TAP1: variants seen among roughly 807,000 people sequenced by gnomAD.
TAP1 encodes transporter 1, ATP binding cassette subfamily B member, also known as antigen peptide transporter 1.
In TAP1, 56 loss-of-function variants were observed where a neutral mutation model predicts 79.3. The observed-to-expected ratio is 0.71, with a 90% CI of 0.57 to 0.88. The LOEUF (loss-of-function observed/expected upper bound fraction) is 0.88. TAP1 is among the 40% of genes least tolerant of loss of function. TAP1 has a pLI of 0.00. For missense variants in TAP1, 737 were observed against 936.3 expected (o/e 0.79, Z 2.78); for synonymous variants, 355 against 401.4 (o/e 0.88, Z 1.38).
rs200753447 is a variant in TAP1 at position 32,845,754 on chromosome 6, C to G, written c.2072G>C (p.Arg691Pro). Reference protein sequence around the residue: ...VEQLLYESPERYSRSVLLITQ... With the variant: ...VEQLLYESPEPYSRSVLLITQ... ...GATGAGAAGCACTGAGCGGGAGTAC[C>G]GCTCAGGGCTTTCGTACAGGAGCTG... The change falls in exon 11 of 11, where the codon CGG (arginine) becomes CCG (proline). Residue 691 changes from arginine to proline, a missense_variant. By Grantham distance (103) the Arg-to-Pro change is moderately radical. Coordinates refer to ENST00000354258, the MANE Select transcript of TAP1 (RefSeq NM_000593.6). The surrounding 1 kb of genome is among the most constrained non-coding windows in gnomAD (Gnocchi z 4.5). The G allele has an allele frequency of 1.5e-4, 247 of 1,612,566 alleles. No homozygotes were observed. Among genetic ancestry groups the G allele is most frequent in the Non-Finnish European group, 1.9e-4 (222 of 1,180,008 alleles).
rs1257301662 is a variant in TAP1 at position 32,852,145 on chromosome 6, G to A, written c.808C>T (p.Arg270Cys). ...TGTTGGAAAAACTCCGTCTCCTGGC[G>A]CAGGACAGCCCCAAACACCTCTCCC... ...LQGEVFGAVL[R>C]QETEFFQQNQ... Residue 270 changes from arginine (R) to cysteine (C), a missense_variant, in exon 3 of 11, where the codon CGC becomes TGC. This residue lies in a region of TAP1 where 406 missense variants were observed against 477.2 expected (regional missense o/e 0.85). Coordinates refer to ENST00000354258, the MANE Select transcript of TAP1 (RefSeq NM_000593.6). The surrounding 1 kb of genome is among the most constrained non-coding windows in gnomAD (Gnocchi z 4.8). The A allele has an allele frequency of 6.2e-7, 1 of 1,613,020 alleles. No homozygotes were observed. The highest frequency in any genetic ancestry group is 8.5e-7 in the Non-Finnish European group (1 of 1,180,034).
chr6:32,848,870 G>A, intron 6 of TAP1, 30 bp from the exon 7 acceptor site: 2 of 1,613,392 alleles, frequency 1.2e-6, no homozygotes, highest in Non-Finnish European at 8.5e-7. Context: ...GTGAAAGTGA[G>A]GTAGTCTGCT....
rs1770499341 is a variant in TAP1, at chr6:32,847,388, G to A, written c.1903+125C>T. On this transcript the variant is annotated intron_variant, in intron 9 of 10. Transcript: ENST00000354258. The surrounding 1 kb of genome is among the most constrained non-coding windows in gnomAD (Gnocchi z 4.7). ...GGATGTCAGGATGAAGAAGCCATAGGAGCATGATCTTACAACTTCAAATTG... is the reference window on the plus strand; with the variant it reads ...GGATGTCAGGATGAAGAAGCCATAGAAGCATGATCTTACAACTTCAAATTG... The A allele has an allele frequency of 6.6e-7, 1 of 1,516,906 alleles. No individual in the cohort carries two copies. Among genetic ancestry groups the A allele is most frequent in the Non-Finnish European group, 9.1e-7 (1 of 1,096,474 alleles). The allele number at this position is 1,516,906 out of a possible 1,614,324, so 94.0% of individuals were successfully genotyped here.
rs1562367219 is a variant in TAP1, at chr6:32,848,834, G to A, written c.1384C>T (p.Leu462Phe). 6.2e-7 allele frequency: 1 copy of A among 1,613,952 alleles called. No homozygotes were observed. Among genetic ancestry groups the A allele is most frequent in the East Asian group, 2.2e-5 (1 of 44,892 alleles). ...TTCTGTACTCTGGGGTAGATGGAGA[G>A]CAGTACCTAGAGGGAGGTAAGAATA... is the stretch of plus-strand genomic sequence containing the variant. The part of the protein sequence containing the change: ...MQFTQAVEVL[L>F]SIYPRVQKAV... The change falls in exon 7 of 11, where the codon CTC (leucine) becomes TTC (phenylalanine). Residue 462 changes from leucine (L) to phenylalanine (F), a missense_variant. Physicochemically the swap from Leu to Phe is conservative, Grantham distance 22 (BLOSUM62 0). This residue lies in a region of TAP1 where 14 missense variants were observed against 42.0 expected (regional missense o/e 0.33). Coordinates refer to ENST00000354258, the MANE Select transcript of TAP1 (RefSeq NM_000593.6).
chr6:32,847,018 A>G lies in TAP1; in HGVS notation c.2040+50T>C. On this transcript the variant is annotated intron_variant, in intron 10 of 10. Coordinates refer to ENST00000354258, the MANE Select transcript of TAP1 (RefSeq NM_000593.6). The surrounding 1 kb of genome is among the most constrained non-coding windows in gnomAD (Gnocchi z 4.7). ...AGTAAAACTAACAGAAGATGTATAA[A>G]AGAAGCAAGATTGGGTGGGATATAG... 1 of 1,606,904 alleles carries G rather than the reference A, an allele frequency of 6.2e-7. No homozygotes were observed. The highest frequency in any genetic ancestry group is 8.5e-7 in the Non-Finnish European group (1 of 1,179,916).
In TAP1 at chr6:32,852,314, T is replaced by G. The variant is rs1043982374; in HGVS notation, c.713+74A>C. 4 of 1,612,730 alleles carry G rather than the reference T, an allele frequency of 2.5e-6. No homozygotes were observed. In the African/African-American group the frequency reaches 5.3e-5, roughly 22 times the overall value. On this transcript the variant is annotated intron_variant, in intron 2 of 10. Transcript: ENST00000354258. The surrounding 1 kb of genome is among the most constrained non-coding windows in gnomAD (Gnocchi z 4.8). Reference sequence around the variant, plus strand: ...ACTGAAGGTCCCAGGTATCCCCATATAAGTGCATTTCGGACAGCAGCCCCA... The same window carrying G: ...ACTGAAGGTCCCAGGTATCCCCATAGAAGTGCATTTCGGACAGCAGCCCCA...
rs559314861 is a variant in TAP1 at position 32,849,344 on chromosome 6, C to T, written c.1249-226G>A. The T allele has an allele frequency of 8.7e-4, 538 of 619,498 alleles. 1 individual carries two copies. In the African/African-American group the frequency reaches 9.0e-3, roughly 10 times the overall value. The allele number at this position is 619,498 out of a possible 1,614,324, so 38.4% of individuals were successfully genotyped here. On this transcript the variant is annotated intron_variant, in intron 5 of 10. Coordinates refer to ENST00000354258, the MANE Select transcript of TAP1 (RefSeq NM_000593.6). ...ACCACCATCACCACTATCACCTTGT[C>T]TGGGGAGCATTTTACTCTTCACAAA...
chr6:32,845,413 T>C lies in TAP1; in HGVS notation c.*166A>G. On this transcript the variant is annotated 3_prime_UTR_variant, in exon 11 of 11. Coordinates refer to ENST00000354258, the MANE Select transcript of TAP1 (RefSeq NM_000593.6). This position sits in a 1 kb window ranked among gnomAD's most constrained non-coding sequence, Gnocchi z 4.5. ...GGAATTACAAATCCTGTGTTTGTACTCCAGGAAGTCTGCATTATCACGAGG... is the reference window on the plus strand; with the variant it reads ...GGAATTACAAATCCTGTGTTTGTACCCCAGGAAGTCTGCATTATCACGAGG... The C allele has an allele frequency of 1.4e-6, 1 of 721,646 alleles. No individual in the cohort carries two copies. The highest frequency in any genetic ancestry group is 2.4e-6 in the Non-Finnish European group (1 of 408,498). The allele number at this position is 721,646 out of a possible 1,614,324, so 44.7% of individuals were successfully genotyped here. A position where few individuals can be genotyped will look rare whatever the true frequency, so the allele number is the denominator to read the frequency against.
In TAP1 at chr6:32,853,624, T is replaced by C. The variant is rs1181435654; in HGVS notation, c.13A>G (p.Arg5Gly). Residue 5 changes from arginine (R) to glycine (G), a missense_variant, in exon 1 of 11, where the codon AGG becomes GGG. By Grantham distance (125) the Arg-to-Gly change is moderately radical (BLOSUM62 -2). This residue lies in a region of TAP1 where 45 missense variants were observed against 60.2 expected (regional missense o/e 0.75). Transcript: ENST00000354258. This position sits in a 1 kb window ranked among gnomAD's most constrained non-coding sequence, Gnocchi z 8.3. MASSRCPAPRGCRCL... is the reference protein window; with the variant it reads MASSGCPAPRGCRCL... ...CGGCACCCGCGGGGAGCGGGACACC[T>C]AGAGCTAGCCATTGGCACTCGGACG... 1 of 1,611,726 alleles carries C rather than the reference T, an allele frequency of 6.2e-7. No homozygotes were observed. The highest frequency in any genetic ancestry group is 1.1e-5 in the South Asian group (1 of 91,036).
chr6:32,852,869 G>C lies in TAP1; in HGVS notation c.598+170C>G. On this transcript the variant is annotated intron_variant, in intron 1 of 10. Coordinates refer to ENST00000354258, the MANE Select transcript of TAP1 (RefSeq NM_000593.6). This position sits in a 1 kb window ranked among gnomAD's most constrained non-coding sequence, Gnocchi z 4.8. ...AGCCCAGAACCTCTGGCCCCCGCCA[G>C]TCCAGTGCCGTTTCTTCTACACCGA... 6.9e-7 allele frequency: 1 copy of C among 1,443,198 alleles called. No homozygotes were observed. The highest frequency in any genetic ancestry group is 1.5e-5 in the South Asian group (1 of 68,570). The allele number at this position is 1,443,198 out of a possible 1,614,324, so 89.4% of individuals were successfully genotyped here. A position where few individuals can be genotyped will look rare whatever the true frequency, so the allele number is the denominator to read the frequency against.
chr6:32,852,758 T>C lies in TAP1; in HGVS notation c.599-256A>G. ...AAGTAGAAAAGCCTCCTGTTAGAGA[T>C]GAGGATGCCCCGCCCTTCGGCCCCA... On this transcript the variant is annotated intron_variant, in intron 1 of 10. Coordinates refer to ENST00000354258, the MANE Select transcript of TAP1 (RefSeq NM_000593.6). The surrounding 1 kb of genome is among the most constrained non-coding windows in gnomAD (Gnocchi z 4.8). The C allele has an allele frequency of 6.9e-7, 1 of 1,442,690 alleles. No homozygotes were observed. The highest frequency in any genetic ancestry group is 9.0e-7 in the Non-Finnish European group (1 of 1,106,270). The allele number at this position is 1,442,690 out of a possible 1,614,324, so 89.4% of individuals were successfully genotyped here. A position where few individuals can be genotyped will look rare whatever the true frequency, so the allele number is the denominator to read the frequency against.
At chr6:32,846,543 G>C (rs1770418279) in intron 10 of TAP1, 2 of 215,476 alleles carry the variant, frequency 9.3e-6, no homozygotes, top group South Asian at 1.4e-4. Flanking sequence ...TATAGGACTG[G>C]GCGCAGTGGC....
chr6:32,849,585 CAA>C (rs9280199), intron 5 of TAP1: 60,510 of 157,474 alleles, frequency 0.38, 10,418 homozygotes, highest in Middle Eastern at 0.5. Context: ...ACTAAAAATA[CAA>C]AAAAAAAAAA....
rs1447101610 is a variant in TAP1, at chr6:32,851,922, T to TGA, written c.844+186_844+187insTC. 4.2e-4 allele frequency among the ~76,000 whole-genome samples: 49 copies of TGA among 117,962 alleles called. No homozygotes were observed. Among genetic ancestry groups the TGA allele is most frequent in the Admixed American group, 9.0e-4 (11 of 12,206 alleles). 77.4% of individuals were successfully genotyped at this position (117,962 alleles called of 152,430 possible). A position where few individuals can be genotyped will look rare whatever the true frequency, so the allele number is the denominator to read the frequency against. On this transcript the variant is annotated intron_variant, in intron 3 of 10. Transcript: ENST00000354258. This position sits in a 1 kb window ranked among gnomAD's most constrained non-coding sequence, Gnocchi z 4.8. ...AGAAAAACAATTGTGTGTGTGTGTG[T>TGA]GTGAGAGAGAGAGAGAGAGAGACAG...
At chr6:32,846,193 T>G (rs1374596361) in intron 10 of TAP1, 1 of 257,938 alleles carries the variant, frequency 3.9e-6, no homozygotes, top group East Asian at 8.5e-5. Flanking sequence ...GACCTCTATA[T>G]GAGCAGCTTA....
rs1382854110 is a variant in TAP1 at position 32,852,105 on chromosome 6, A to G, written c.844+4T>C. Reference sequence around the variant, plus strand: ...GCGTATAATGAAAGAGTTTCAGGAGAAACCTGTCTGGTTCTGTTGGAAAAA... The same window carrying G: ...GCGTATAATGAAAGAGTTTCAGGAGGAACCTGTCTGGTTCTGTTGGAAAAA... On this transcript the variant is annotated splice_donor_region_variant and intron_variant, in intron 3 of 10. Coordinates refer to ENST00000354258, the MANE Select transcript of TAP1 (RefSeq NM_000593.6). This position sits in a 1 kb window ranked among gnomAD's most constrained non-coding sequence, Gnocchi z 4.8. 2.2e-5 allele frequency: 36 copies of G among 1,612,820 alleles called. No individual in the cohort carries two copies. Among genetic ancestry groups the G allele is most frequent in the Non-Finnish European group, 3.0e-5 (35 of 1,180,010 alleles).
In TAP1 at chr6:32,853,536, A is replaced by AC; in HGVS notation, c.100dup (p.Val34GlyfsTer94). 1 of 1,610,484 alleles carries AC rather than the reference A, an allele frequency of 6.2e-7. No homozygotes were observed. The highest frequency in any genetic ancestry group is 1.3e-5 in the African/African-American group (1 of 74,966). ...GCGGGGCAGCGCGGTCCGGAGCAGCACCCAGTCGGCGAGAAGTAGCAGTAC... is the reference window on the plus strand; with the variant it reads ...GCGGGGCAGCGCGGTCCGGAGCAGCACCCCAGTCGGCGAGAAGTAGCAGTAC... On this transcript the variant is annotated frameshift_variant, in exon 1 of 11. Coordinates refer to ENST00000354258, the MANE Select transcript of TAP1 (RefSeq NM_000593.6). LOFTEE classifies it high-confidence loss of function. This position sits in a 1 kb window ranked among gnomAD's most constrained non-coding sequence, Gnocchi z 8.3.
intron 5 of TAP1, chr6:32,849,346 G>A: frequency 1.6e-6 from 1 of 617,466 alleles, no homozygotes; most frequent in Non-Finnish European, 2.9e-6. Flanking sequence ...CACCTTGTCT[G>A]GGGAGCATTT....
Position 32,848,030 on chromosome 6 carries a change from C to T in TAP1, c.1629G>A (p.Gly543=). 3 of 1,613,110 alleles carry T rather than the reference C, an allele frequency of 1.9e-6. No individual in the cohort carries two copies. The highest frequency in any genetic ancestry group is 2.5e-6 in the Non-Finnish European group (3 of 1,180,024). Residue 543 remains glycine, a synonymous_variant, in exon 8 of 11, where the codon GGG becomes GGA. Transcript: ENST00000354258. Reference sequence around the variant, plus strand: ...GCAGCAGGGCAGCCACTGTGCTCTTCCCAGACCCATTGGGTCCCACCAGCG... The same window carrying T: ...GCAGCAGGGCAGCCACTGTGCTCTTTCCAGACCCATTGGGTCCCACCAGCG... ...VTALVGPNGS[G]KSTVAALLQN...
Sources: allele counts gnomAD v4.1 joint callset (sites outside exome capture counted in the v4.1 genomes callset), GRCh38; gene constraint gnomAD v4.1.1; regional missense constraint gnomAD v4.1.1; non-coding constraint Gnocchi (gnomAD v3.1); transcripts MANE v1.5; gene names NCBI Gene and HGNC (gene_info 2026-07-23, HGNC 2026-07-21).